The following EYS variants were observed in gnomAD, a reference collection of about 807,000 sequenced individuals.
EYS encodes the protein EGF-like photoreceptor maintenance factor.
Under a neutral mutation model 282.1 loss-of-function variants are expected in EYS, and 250 were observed. The observed-to-expected ratio is 0.89, with a 90% CI of 0.80 to 0.98. The LOEUF (loss-of-function observed/expected upper bound fraction) is 0.98. Ranked by LOEUF, EYS falls within the 50% of genes least tolerant of loss-of-function variation. EYS has a pLI of 0.00. For missense variants in EYS, 4,016 were observed against 3,709.0 expected, an observed-to-expected ratio of 1.08 and a Z score of -2.15; for synonymous variants, 1,355 against 1,282.9, an observed-to-expected ratio of 1.06 and a Z score of -1.20.
chr6:64,859,916 T>A (rs537417669), intron 19 of EYS, among the ~76,000 whole-genome samples: 40 of 152,224 alleles, frequency 2.6e-4, no homozygotes, highest in Non-Finnish European at 4.1e-4. Flanking sequence ...TTTTGATTAG[T>A]CTTAGCATGG....
chr6:64,054,184 T>C (rs943574345), intron 33 of EYS, among the ~76,000 whole-genome samples: 4 of 152,068 alleles, frequency 2.6e-5, no homozygotes, highest in African/African-American at 9.7e-5. Context: ...ATTTTGGAGA[T>C]GAGATAACAA....
In EYS at chr6:64,811,062, AC is replaced by A. The variant is rs572086169; in HGVS notation, c.3443+2315del. On this transcript the variant is annotated intron_variant, in intron 22 of 42. Transcript: ENST00000503581. ...TAAACATACTATGGATTAACCCTTA[AC>A]CCATGAACAAATCTCATAATTTGAC... 4.5e-4 allele frequency among the ~76,000 whole-genome samples: 69 copies of A among 152,140 alleles called. No individual in the cohort carries two copies. In the South Asian group the frequency reaches 7.9e-3, roughly 17 times the overall value.
At chr6:63,948,890 T>C (rs1417851049) in intron 35 of EYS, among the ~76,000 whole-genome samples, 1 of 152,132 alleles carries the variant, frequency 6.6e-6, no homozygotes. Flanking sequence ...ATATATACAG[T>C]GTGCTATATA....
intron 1 of EYS, among the ~76,000 whole-genome samples, chr6:65,680,973 C>G (rs1768792254): frequency 6.6e-6 from 1 of 151,752 alleles, no homozygotes; most frequent in Admixed American, 6.6e-5. Context: ...CACCGGTGAT[C>G]ATTTTAACCT....
chr6:65,066,119 C>T (rs924496506), intron 12 of EYS, among the ~76,000 whole-genome samples: 4 of 152,100 alleles, frequency 2.6e-5, no homozygotes, highest in South Asian at 2.1e-4. Context: ...TGAGCCTGGC[C>T]AAGCCTTTTC....
intron 29 of EYS, among the ~76,000 whole-genome samples, chr6:64,378,860 G>A (rs1772651508): frequency 6.6e-6 from 1 of 152,084 alleles, no homozygotes; most frequent in African/African-American, 2.4e-5. Flanking sequence ...GGAGAAAATG[G>A]AGCATATCTC....
At chr6:65,355,867 G>T (rs1397326842) in intron 8 of EYS, among the ~76,000 whole-genome samples, 1 of 152,104 alleles carries the variant, frequency 6.6e-6, no homozygotes, top group East Asian at 1.9e-4. Context: ...GAATGCTTAT[G>T]CCCTGCTGAT....
At chr6:64,345,029 G>A (rs1390991909) in intron 29 of EYS, among the ~76,000 whole-genome samples, 9 of 151,314 alleles carry the variant, frequency 5.9e-5, no homozygotes, top group East Asian at 1.9e-4. Flanking sequence ...ACTACAAACC[G>A]CTGCTCAATG....
intron 14 of EYS, among the ~76,000 whole-genome samples, chr6:64,978,623 G>T (rs1007831878): frequency 6.6e-6 from 1 of 151,888 alleles, no homozygotes; most frequent in African/African-American, 2.4e-5. Flanking sequence ...TAATTTCTCT[G>T]ATGGATCTGG....
At chr6:65,157,908 T>C (rs974150469) in intron 12 of EYS, among the ~76,000 whole-genome samples, 1 of 150,878 alleles carries the variant, frequency 6.6e-6, no homozygotes, top group Non-Finnish European at 1.5e-5. Flanking sequence ...ATGTATAGCG[T>C]ATTGTGCATT....
chr6:63,850,936 C>A (rs1676623331), intron 36 of EYS, among the ~76,000 whole-genome samples: 1 of 152,140 alleles, frequency 6.6e-6, no homozygotes, highest in African/African-American at 2.4e-5. Context: ...ACCCATCTCA[C>A]ATGCAAAGAC....
intron 13 of EYS, among the ~76,000 whole-genome samples, chr6:65,054,684 T>A (rs1773363890): frequency 6.6e-6 from 1 of 152,058 alleles, no homozygotes; most frequent in South Asian, 2.1e-4. Context: ...CAGAAAAATA[T>A]TATACATTAT....
At chr6:65,265,863 T>C (rs1340140210) in intron 12 of EYS, among the ~76,000 whole-genome samples, 1 of 151,934 alleles carries the variant, frequency 6.6e-6, no homozygotes, top group Non-Finnish European at 1.5e-5. Context: ...ATCTGTAAAA[T>C]GAAGGTAACA....
At chr6:65,460,641 GC>G in intron 5 of EYS, among the ~76,000 whole-genome samples, 1 of 152,118 alleles carries the variant, frequency 6.6e-6, no homozygotes, top group South Asian at 2.1e-4. Flanking sequence ...AGTTTACTCA[GC>G]CTTCCTTTGG....
At chr6:64,955,634 C>T (rs768850655) in intron 14 of EYS, among the ~76,000 whole-genome samples, 3 of 152,154 alleles carry the variant, frequency 2.0e-5, no homozygotes, top group Admixed American at 6.5e-5. Flanking sequence ...GTAATATCAT[C>T]GGCATTGCAG....
At chr6:63,950,984 G>A (rs778111207) in intron 35 of EYS, among the ~76,000 whole-genome samples, 4 of 151,932 alleles carry the variant, frequency 2.6e-5, no homozygotes, top group Admixed American at 6.6e-5. Context: ...ATTATTCACC[G>A]ACATTTCAGA....
At chr6:65,091,283 A>C (rs1774554329) in intron 12 of EYS, among the ~76,000 whole-genome samples, 1 of 149,176 alleles carries the variant, frequency 6.7e-6, no homozygotes, top group Non-Finnish European at 1.5e-5. Context: ...AAAAAAAAAA[A>C]AAAAAAAAAA....
chr6:65,180,822 G>C (rs1765360755), intron 12 of EYS, among the ~76,000 whole-genome samples: 1 of 152,146 alleles, frequency 6.6e-6, no homozygotes. Flanking sequence ...CAAGGCTACA[G>C]TAACCAAAAC....
intron 33 of EYS, among the ~76,000 whole-genome samples, chr6:64,020,885 C>T (rs9351111): frequency 0.42 from 63,647 of 151,834 alleles, 14,625 homozygotes; most frequent in African/African-American, 0.62. Context: ...ATAGTGGTGC[C>T]ATAGACAGAT....
Sources: gnomAD v4.1 joint callset for allele counts (sites outside exome capture counted in the v4.1 genomes callset) on GRCh38, gnomAD v4.1.1 for gene constraint, MANE v1.5 for transcripts, NCBI Gene and HGNC (gene_info 2026-07-23, HGNC 2026-07-21) for gene names.